Variants in BICD1 observed in about 807,000 individuals in gnomAD.
BICD1 encodes protein bicaudal D homolog 1.
A neutral mutation model predicts 92.5 loss-of-function variants in BICD1; 35 were observed. The observed-to-expected ratio is 0.38, with a 90% CI of 0.29 to 0.50. BICD1 has a LOEUF of 0.50. Among genes scored for constraint, BICD1 ranks in the 20% least tolerant of loss-of-function variants. The probability of loss-of-function intolerance (pLI) is 0.93; values close to 1 mark genes in which losing one functional copy is unlikely to be tolerated. For missense variants in BICD1, 950 were observed against 1,189.8 expected (o/e 0.80, Z 2.97); for synonymous variants, 429 against 465.1 (o/e 0.92, Z 1.00).
At chr12:32,323,821 TTAA>T (rs1315541193) in intron 4 of BICD1, among the ~76,000 whole-genome samples, 1 of 152,210 alleles carries the variant, frequency 6.6e-6, no homozygotes, top group Admixed American at 6.5e-5. Context: ...CAAAACAAAC[TTAA>T]TAATTAATGG....
intron 2 of BICD1, among the ~76,000 whole-genome samples, chr12:32,239,097 A>T (rs889164152): frequency 6.7e-6 from 1 of 150,080 alleles, no homozygotes; most frequent in Non-Finnish European, 1.5e-5. Flanking sequence ...ATACAAAAAA[A>T]TTAGCTGGGC....
chr12:32,365,530 T>C (rs1939496830), intron 8 of BICD1, among the ~76,000 whole-genome samples: 2 of 152,236 alleles, frequency 1.3e-5, no homozygotes, highest in African/African-American at 4.8e-5. Flanking sequence ...AGGATCGCTA[T>C]TCCACAGAGG....
intron 2 of BICD1, among the ~76,000 whole-genome samples, chr12:32,261,493 A>G (rs544816315): frequency 9.8e-4 from 149 of 152,348 alleles, no homozygotes; most frequent in African/African-American, 3.4e-3. Context: ...TGTGAAGACA[A>G]TAAGTGAAAG....
chr12:32,340,291 AAT>A (rs910565763), intron 8 of BICD1: 1 of 985,218 alleles, frequency 1.0e-6, no homozygotes, highest in African/African-American at 1.7e-5. Context: ...TAATAGCCAA[AAT>A]ATACACCTAA....
chr12:32,177,333 C>T (rs1036663112), intron 1 of BICD1, among the ~76,000 whole-genome samples: 2 of 151,010 alleles, frequency 1.3e-5, no homozygotes, highest in Admixed American at 1.3e-4. Context: ...AAAAGAATGA[C>T]AGTTTCTAAA....
At chr12:32,145,480 T>C (rs1943074920) in intron 1 of BICD1, among the ~76,000 whole-genome samples, 1 of 152,168 alleles carries the variant, frequency 6.6e-6, no homozygotes, top group African/African-American at 2.4e-5. Context: ...GCACAAGAGA[T>C]CCTGAAAATC....
rs1256819144 is a variant in BICD1, at chr12:32,381,482, G to T, written c.*3855G>T. Reference sequence around the variant, plus strand: ...TGTTTGAAACAAGCATGAAACATTGGTCCAATAACCTAAGAATGTGGAGAT... The same window carrying T: ...TGTTTGAAACAAGCATGAAACATTGTTCCAATAACCTAAGAATGTGGAGAT... On this transcript the variant is annotated 3_prime_UTR_variant, in exon 10 of 10. Transcript: ENST00000652176. The T allele has an allele frequency of 6.6e-6, 1 of 152,020 alleles. No homozygotes were observed. Among genetic ancestry groups the T allele is most frequent in the Non-Finnish European group, 1.5e-5 (1 of 67,970 alleles). 9.4% of individuals were successfully genotyped at this position (152,020 alleles called of 1,614,324 possible). A position where few individuals can be genotyped will look rare whatever the true frequency, so the allele number is the denominator to read the frequency against.
chr12:32,246,054 A>AAAAG (rs1555155946), intron 2 of BICD1, among the ~76,000 whole-genome samples: 4 of 140,896 alleles, frequency 2.8e-5, no homozygotes, highest in African/African-American at 1.1e-4. Flanking sequence ...AAAAAAAAAA[A>AAAAG]GGAAAAAGGA....
chr12:32,334,164 T>A lies in BICD1; in HGVS notation c.2101-352T>A, dbSNP rs191199431. ...CTTTACTAAATAATTGGTAAAAAAA[T>A]TTTTTTTGTATAAAGTTTCATTTTG... On this transcript the variant is annotated intron_variant, in intron 5 of 9. Transcript: ENST00000652176. Among the ~76,000 whole-genome samples, 182 of 152,120 alleles carry A rather than the reference T, an allele frequency of 1.2e-3. 2 individuals are homozygous for A. Among genetic ancestry groups the A allele is most frequent in the East Asian group, 7.5e-3 (39 of 5,180 alleles).
intron 3 of BICD1, among the ~76,000 whole-genome samples, chr12:32,303,771 G>A (rs974062510): frequency 1.3e-5 from 2 of 152,028 alleles, no homozygotes; most frequent in Non-Finnish European, 2.9e-5. Flanking sequence ...CCTCCATACT[G>A]TTACATAAGA....
chr12:32,191,672 AAT>A (rs1242716424), intron 1 of BICD1, among the ~76,000 whole-genome samples: 5 of 146,042 alleles, frequency 3.4e-5, no homozygotes, highest in African/African-American at 5.1e-5. Flanking sequence ...TGTTATATAT[AAT>A]ATATATTATA....
chr12:32,245,979 G>A (rs11051873), intron 2 of BICD1, among the ~76,000 whole-genome samples: 6,726 of 126,686 alleles, frequency 0.053, 259 homozygotes, highest in East Asian at 0.22. Context: ...GCAGTGAGCC[G>A]AGATCGTGTC....
In BICD1 at chr12:32,327,734, G is replaced by A; in HGVS notation, c.1279G>A (p.Val427Met). ...ECKYRVAVTE[V>M]IDLKAEIKAL... ...CAAATACAGGGTGGCAGTAACTGAG[G>A]TGATTGATCTGAAAGCTGAAATTAA... The change falls in exon 5 of 10, where the codon GTG becomes ATG. Residue 427 changes from valine (V) to methionine (M), a missense_variant. By Grantham distance (21) the Val-to-Met change is conservative. This residue lies in a region of BICD1 where 309 missense variants were observed against 499.4 expected (regional missense o/e 0.62). Transcript: ENST00000652176. 1 of 1,614,192 alleles carries A rather than the reference G, an allele frequency of 6.2e-7. No individual in the cohort carries two copies. The highest frequency in any genetic ancestry group is 8.5e-7 in the Non-Finnish European group (1 of 1,180,030).
intron 3 of BICD1, among the ~76,000 whole-genome samples, chr12:32,296,400 T>C (rs781057990): frequency 6.6e-6 from 1 of 151,618 alleles, no homozygotes; most frequent in South Asian, 2.1e-4. Context: ...TGGGACTACA[T>C]GCATGTATCA....
chr12:32,143,091 T>C (rs1942997262), intron 1 of BICD1, among the ~76,000 whole-genome samples: 1 of 152,224 alleles, frequency 6.6e-6, no homozygotes, highest in African/African-American at 2.4e-5. Context: ...TACCAGACCA[T>C]CTAGTCTCAT....
chr12:32,339,107 T>G lies in BICD1; in HGVS notation c.2764+128T>G, dbSNP rs530656428. The G allele has an allele frequency of 2.7e-5, 36 of 1,354,398 alleles. No individual in the cohort carries two copies. In the South Asian group the frequency reaches 6.2e-4, roughly 23 times the overall value. The allele number at this position is 1,354,398 out of a possible 1,614,324, so 83.9% of individuals were successfully genotyped here. ...TTGATGATGTGTAAATTCCTATAAG[T>G]CAAGTAAAAACTTCCTTACACTTAG... is the stretch of plus-strand genomic sequence containing the variant. On this transcript the variant is annotated intron_variant, in intron 8 of 9. Transcript: ENST00000652176.
chr12:32,213,154 C>G (rs1217070779), intron 1 of BICD1, among the ~76,000 whole-genome samples: 2 of 152,266 alleles, frequency 1.3e-5, no homozygotes, highest in East Asian at 3.9e-4. Flanking sequence ...AGTCCAGGAT[C>G]CAATCTAGAA....
intron 8 of BICD1, chr12:32,353,110 C>T (rs1938957754): frequency 6.6e-6 from 1 of 152,096 alleles, no homozygotes; most frequent in Non-Finnish European, 1.5e-5. Flanking sequence ...GGTAAGTTGG[C>T]TATAAACCTG....
In BICD1 at chr12:32,269,471, G is replaced by A. The variant is rs544015505; in HGVS notation, c.427-24523G>A. 2.0e-5 allele frequency among the ~76,000 whole-genome samples: 3 copies of A among 152,226 alleles called. No individual in the cohort carries two copies. The South Asian group carries it at 6.2e-4, about 32-fold the overall frequency. ...GAACTTTAACAGTAATTCTCCATAT[G>A]CAAAAAAGCATTTTTACTAGTCTGT... On this transcript the variant is annotated intron_variant, in intron 2 of 9. Transcript: ENST00000652176.
Sources: allele counts gnomAD v4.1 joint callset (sites outside exome capture counted in the v4.1 genomes callset), GRCh38; gene constraint gnomAD v4.1.1; regional missense constraint gnomAD v4.1.1; transcripts MANE v1.5; gene names NCBI Gene and HGNC (gene_info 2026-07-23, HGNC 2026-07-21).